Variants in TMEM201 observed in about 807,000 individuals in gnomAD.
TMEM201 encodes transmembrane protein 201.
A neutral mutation model predicts 63.4 loss-of-function variants in TMEM201; 26 were observed. The ratio of observed to expected loss-of-function variants is 0.41; its 90% CI spans 0.30 to 0.57. The LOEUF (loss-of-function observed/expected upper bound fraction) is 0.57. Among genes scored for constraint, TMEM201 ranks in the 20% least tolerant of loss-of-function variants. The pLI is 0.29. For synonymous variants in TMEM201, 417 were observed against 421.6 expected (o/e 0.99, Z 0.14); for missense variants, 794 against 917.7 (o/e 0.87, Z 1.74).
At chr1:9,601,796 G>A (rs934819784) in intron 5 of TMEM201, among the ~76,000 whole-genome samples, 3 of 152,206 alleles carry the variant, frequency 2.0e-5, no homozygotes, top group Middle Eastern at 3.2e-3. Flanking sequence ...AGCATGTCCT[G>A]TGAGTGCTGT....
chr1:9,602,434 G>A (rs996353277), intron 6 of TMEM201, 162 bp downstream of exon 6: 83 of 1,433,330 alleles, frequency 5.8e-5, no homozygotes, highest in Non-Finnish European at 6.8e-5. Flanking sequence ...TCCCTCCACT[G>A]CCTCGAAGAG....
intron 9 of TMEM201, among the ~76,000 whole-genome samples, chr1:9,611,497 C>A (rs569425120): frequency 6.6e-5 from 10 of 152,232 alleles, no homozygotes; most frequent in Non-Finnish European, 1.5e-4. Context: ...TGCGCCCGGC[C>A]TCGAATGTTT....
chr1:9,603,886 G>T lies in TMEM201; in HGVS notation c.1160+1614G>T. ...GTTACTGGGCTCAGCTTGTTGTTCT[G>T]TGTGGAGCGTGAGGTGAGAAAACCC... On this transcript the variant is annotated intron_variant, in intron 6 of 10. Transcript: ENST00000340381. This position sits in a 1 kb window ranked among gnomAD's most constrained non-coding sequence, Gnocchi z 4.5. 1 of 985,470 alleles carries T rather than the reference G, an allele frequency of 1.0e-6. No homozygotes were observed. Among genetic ancestry groups the T allele is most frequent in the Non-Finnish European group, 1.2e-6 (1 of 829,952 alleles). 61.0% of individuals were successfully genotyped at this position (985,470 alleles called of 1,614,324 possible).
chr1:9,599,300 T>A (rs1022903107), intron 4 of TMEM201, among the ~76,000 whole-genome samples: 7 of 151,718 alleles, frequency 4.6e-5, no homozygotes, highest in African/African-American at 1.5e-4. Context: ...CAGGCTGGAG[T>A]GAAGTGGCGC....
chr1:9,597,092 C>A, intron 3 of TMEM201, 39 bp downstream of exon 3: 1 of 1,572,828 alleles, frequency 6.4e-7, no homozygotes, highest in South Asian at 1.1e-5. Context: ...CTGGCTGGGG[C>A]CAGGGATGCT....
Position 9,597,067 on chromosome 1 carries a change from G to C in TMEM201, c.429+14G>C, listed in dbSNP as rs1644038581. 1 of 1,590,562 alleles carries C rather than the reference G, an allele frequency of 6.3e-7. No individual in the cohort carries two copies. The highest frequency in any genetic ancestry group is 8.6e-7 in the Non-Finnish European group (1 of 1,164,874). On this transcript the variant is annotated intron_variant, in intron 3 of 10. Coordinates refer to ENST00000340381, the MANE Select transcript of TMEM201 (RefSeq NM_001130924.3). Reference sequence around the variant, plus strand: ...CCCCGCGAGGAGGTGAGGCCGGGTTGGGAGGGCAGGGGTCCTGGCTGGGGC... The same window carrying C: ...CCCCGCGAGGAGGTGAGGCCGGGTTCGGAGGGCAGGGGTCCTGGCTGGGGC...
In TMEM201 at chr1:9,595,871, C is replaced by T; in HGVS notation, c.114-19C>T. ...TGCTGGGGTCTTCCAGGCCAACCCG[C>T]TCTTTCCTTGGTCCACAGGATGAAG... On this transcript the variant is annotated intron_variant, in intron 1 of 10. Coordinates refer to ENST00000340381, the MANE Select transcript of TMEM201 (RefSeq NM_001130924.3). 6.2e-7 allele frequency: 1 copy of T among 1,612,484 alleles called. No individual in the cohort carries two copies. Among genetic ancestry groups the T allele is most frequent in the East Asian group, 2.2e-5 (1 of 44,876 alleles).
chr1:9,596,856 CAGAACGGCGA>C lies in TMEM201; in HGVS notation c.235-2_242del, dbSNP rs1161765474. Reference sequence around the variant, plus strand: ...TGCCTCGAGTCCCACCTCTCTCCCGCAGAACGGCGACTACAACAAGCCGATCCCCGCCCAG... The same window carrying C: ...TGCCTCGAGTCCCACCTCTCTCCCGCCTACAACAAGCCGATCCCCGCCCAG... On this transcript the variant is annotated splice_acceptor_variant and coding_sequence_variant, in exon 3 of 11. Coordinates refer to ENST00000340381, the MANE Select transcript of TMEM201 (RefSeq NM_001130924.3). LOFTEE classifies it high-confidence loss of function. 1 of 1,581,746 alleles carries C rather than the reference CAGAACGGCGA, an allele frequency of 6.3e-7. No individual in the cohort carries two copies. The highest frequency in any genetic ancestry group is 8.6e-7 in the Non-Finnish European group (1 of 1,156,124).
chr1:9,598,147 GGGAGC>G (rs1644060900), intron 3 of TMEM201, among the ~76,000 whole-genome samples: 1 of 152,208 alleles, frequency 6.6e-6, no homozygotes, highest in South Asian at 2.1e-4. Context: ...TCTGCATCTG[GGGAGC>G]AGACCCTGAG....
intron 1 of TMEM201, among the ~76,000 whole-genome samples, chr1:9,595,059 C>T (rs1240421879): frequency 2.0e-5 from 3 of 152,174 alleles, no homozygotes; most frequent in African/African-American, 7.2e-5. Context: ...CCAGGGCTCC[C>T]ACAGCTGCTG....
In TMEM201 at chr1:9,592,042, C is replaced by T. The variant is rs138453545; in HGVS notation, c.113+2999C>T. The stretch of plus-strand genomic sequence containing the variant: ...CTTAACTGATGGGATGTTCCGCTCG[C>T]ACCAGGAGCGACCCTAGAATGGTGG... On this transcript the variant is annotated intron_variant, in intron 1 of 10. Coordinates refer to ENST00000340381, the MANE Select transcript of TMEM201 (RefSeq NM_001130924.3). Among the ~76,000 whole-genome samples the T allele has an allele frequency of 7.1e-3, 1,080 of 152,364 alleles. 12 individuals are homozygous for T. Among genetic ancestry groups the T allele is most frequent in the African/African-American group, 0.024 (1,009 of 41,582 alleles).
At position 9,610,660 on chromosome 1, in the gene TMEM201, G is replaced by A. The variant is rs1384024724; in HGVS notation, c.1620G>A (p.Leu540=). The A allele has an allele frequency of 1.9e-6, 3 of 1,550,626 alleles. No homozygotes were observed. Among genetic ancestry groups the A allele is most frequent in the South Asian group, 1.2e-5 (1 of 84,064 alleles). ...GGCTCAACCTGAAGGGACAGAAGCT[G>A]CTGCTGTTCCCGTCACCCCCTGGAG... The part of the protein sequence containing the change: ...PARLNLKGQK[L]LLFPSPPGEA... Residue 540 remains leucine (L), a synonymous_variant, in exon 9 of 11, where the codon CTG becomes CTA. Transcript: ENST00000340381. The surrounding 1 kb of genome is among the most constrained non-coding windows in gnomAD (Gnocchi z 4.9).
chr1:9,605,145 G>A lies in TMEM201; in HGVS notation c.1161-2412G>A, dbSNP rs749360959. ...GCCTTTGCTGGATCATATTTTTTCCGTCTCAATAAACTGTTGCTTAAAACG... is the reference window on the plus strand; with the variant it reads ...GCCTTTGCTGGATCATATTTTTTCCATCTCAATAAACTGTTGCTTAAAACG... On this transcript the variant is annotated intron_variant, in intron 6 of 10. Transcript: ENST00000340381. The surrounding 1 kb of genome is among the most constrained non-coding windows in gnomAD (Gnocchi z 5.7). Among the ~76,000 whole-genome samples the A allele has an allele frequency of 9.9e-5, 15 of 152,234 alleles. No homozygotes were observed. The highest frequency in any genetic ancestry group is 7.7e-4 in the East Asian group (4 of 5,184).
rs373433341 is a variant in TMEM201 at position 9,602,058 on chromosome 1, T to A, written c.957-11T>A. On this transcript the variant is annotated splice_polypyrimidine_tract_variant and intron_variant, in intron 5 of 10. Coordinates refer to ENST00000340381, the MANE Select transcript of TMEM201 (RefSeq NM_001130924.3). Reference sequence around the variant, plus strand: ...TCCTCCCCTGGGGTGACCCCGCTGCTTCCCTTTCAGGCTCCGGAGGATCGA... The same window carrying A: ...TCCTCCCCTGGGGTGACCCCGCTGCATCCCTTTCAGGCTCCGGAGGATCGA... 2.4e-5 allele frequency: 38 copies of A among 1,607,886 alleles called. No individual in the cohort carries two copies. The highest frequency in any genetic ancestry group is 4.0e-5 in the African/African-American group (3 of 74,826).
At chr1:9,601,531 A>G (rs948997109) in intron 5 of TMEM201, 77 bp downstream of exon 5, 2 of 1,380,492 alleles carry the variant, frequency 1.4e-6, no homozygotes, top group Non-Finnish European at 2.0e-6. Context: ...GGGGGCCAAG[A>G]GACCCCATTG....
In TMEM201 at chr1:9,603,836, G is replaced by C; in HGVS notation, c.1160+1564G>C. 2 of 985,484 alleles carry C rather than the reference G, an allele frequency of 2.0e-6. No homozygotes were observed. The highest frequency in any genetic ancestry group is 1.2e-6 in the Non-Finnish European group (1 of 829,944). 61.0% of individuals were successfully genotyped at this position (985,484 alleles called of 1,614,324 possible). A position where few individuals can be genotyped will look rare whatever the true frequency, so the allele number is the denominator to read the frequency against. ...CTGTGGCCTCTGTGCCCGATGACCTGCGTGGCTTCAGACAAGGCCCCAGCG... is the reference window on the plus strand; with the variant it reads ...CTGTGGCCTCTGTGCCCGATGACCTCCGTGGCTTCAGACAAGGCCCCAGCG... On this transcript the variant is annotated intron_variant, in intron 6 of 10. Coordinates refer to ENST00000340381, the MANE Select transcript of TMEM201 (RefSeq NM_001130924.3). This position sits in a 1 kb window ranked among gnomAD's most constrained non-coding sequence, Gnocchi z 4.5.
At chr1:9,598,733 C>T in intron 4 of TMEM201, 108 bp downstream of exon 4, 1 of 1,081,338 alleles carries the variant, frequency 9.2e-7, no homozygotes, top group Non-Finnish European at 1.3e-6. Context: ...CAGAGCTGAG[C>T]CCCTTTATTT....
chr1:9,604,636 T>C lies in TMEM201; in HGVS notation c.1160+2364T>C, dbSNP rs1188567377. 1 of 985,552 alleles carries C rather than the reference T, an allele frequency of 1.0e-6. No homozygotes were observed. Among genetic ancestry groups the C allele is most frequent in the Non-Finnish European group, 1.2e-6 (1 of 829,898 alleles). The allele number at this position is 985,552 out of a possible 1,614,324, so 61.1% of individuals were successfully genotyped here. ...GGTATGGGTGACCGTCCCTGAGACA[T>C]AAGCGAGGTAGATTCAGCCATCCTC... On this transcript the variant is annotated intron_variant, in intron 6 of 10. Transcript: ENST00000340381. This position sits in a 1 kb window ranked among gnomAD's most constrained non-coding sequence, Gnocchi z 4.1.
intron 3 of TMEM201, 116 bp from the exon 4 acceptor site, chr1:9,598,333 C>A: frequency 1.6e-6 from 2 of 1,270,892 alleles, no homozygotes; most frequent in Non-Finnish European, 2.2e-6. Flanking sequence ...GGTTGACTTG[C>A]CCCCGGTCAT....
Sources: allele counts gnomAD v4.1 joint callset (sites outside exome capture counted in the v4.1 genomes callset), GRCh38; gene constraint gnomAD v4.1.1; non-coding constraint Gnocchi (gnomAD v3.1); transcripts MANE v1.5; gene names NCBI Gene and HGNC (gene_info 2026-07-23, HGNC 2026-07-21).